HYDIN: variants seen among roughly 807,000 people sequenced by gnomAD.
HYDIN encodes the protein axonemal central pair apparatus protein HYDIN.
A neutral mutation model predicts 403.9 loss-of-function variants in HYDIN; 132 were observed. The ratio of observed to expected loss-of-function variants is 0.33; its 90% confidence interval spans 0.28 to 0.38. The LOEUF (loss-of-function observed/expected upper bound fraction) is 0.38. Ranked by LOEUF, HYDIN falls within the 10% of genes least tolerant of loss-of-function variation. The pLI is 1.00. For synonymous variants in HYDIN, 1,202 were observed against 1,891.7 expected (o/e 0.64, Z 9.46); for missense variants, 2,827 against 5,009.5 (o/e 0.56, Z 13.15).
chr16:71,063,700 C>T (rs1257576842), intron 16 of HYDIN, among the ~76,000 whole-genome samples: 7 of 152,276 alleles, frequency 4.6e-5, no homozygotes, highest in East Asian at 3.9e-4. Flanking sequence ...TTCTCTCTTA[C>T]GTAACAGCCC....
At chr16:71,205,714 G>A (rs1220225817) in intron 1 of HYDIN, among the ~76,000 whole-genome samples, 6 of 152,244 alleles carry the variant, frequency 3.9e-5, no homozygotes, top group Non-Finnish European at 5.9e-5. Context: ...AGCCAGCTAT[G>A]CAACACTTGC....
At chr16:70,839,904 G>C (rs1464129977) in intron 76 of HYDIN, among the ~76,000 whole-genome samples, 160 bp downstream of exon 76, 1 of 147,090 alleles carries the variant, frequency 6.8e-6, no homozygotes, top group South Asian at 2.2e-4. Context: ...ATTAGTGTTA[G>C]TTATGGGGAC....
chr16:71,230,443 G>C (rs2041229921), intron 1 of HYDIN, 119 bp downstream of exon 1: 1 of 1,247,988 alleles, frequency 8.0e-7, no homozygotes, highest in Non-Finnish European at 1.1e-6. Flanking sequence ...GGAGGGGTCT[G>C]GAAAGTCTGG....
At chr16:70,822,680 G>A (rs2036342153) in intron 83 of HYDIN, among the ~76,000 whole-genome samples, 1 of 152,216 alleles carries the variant, frequency 6.6e-6, no homozygotes, top group Non-Finnish European at 1.5e-5. Flanking sequence ...AATTGCCACA[G>A]TCACCCCCAC....
At chr16:70,881,569 C>T (rs1167542210) in intron 60 of HYDIN, among the ~76,000 whole-genome samples, 8 of 143,536 alleles carry the variant, frequency 5.6e-5, no homozygotes, top group African/African-American at 2.3e-4. Flanking sequence ...GATTGCGCCA[C>T]TGCACTCCAG....
Position 70,838,499 on chromosome 16 carries a change from T to C in HYDIN, c.13044-611A>G, listed in dbSNP as rs895748227. On this transcript the variant is annotated intron_variant, in intron 76 of 85. Coordinates refer to ENST00000393567, the MANE Select transcript of HYDIN (RefSeq NM_001270974.2). Reference sequence around the variant, plus strand: ...CGCGCCCAGCCTGATTCTCGATTTCTTGATAATGCATCTCATGGTTTTCTA... The same window carrying C: ...CGCGCCCAGCCTGATTCTCGATTTCCTGATAATGCATCTCATGGTTTTCTA... 3.8e-4 allele frequency among the ~76,000 whole-genome samples: 58 copies of C among 152,164 alleles called. 1 individual carries two copies. Among genetic ancestry groups the C allele is most frequent in the Admixed American group, 3.5e-3 (54 of 15,266 alleles).
At chr16:71,170,666 T>G (rs1331654093) in intron 5 of HYDIN, among the ~76,000 whole-genome samples, 1 of 152,142 alleles carries the variant, frequency 6.6e-6, no homozygotes, top group Non-Finnish European at 1.5e-5. Context: ...TTAAAGTTGG[T>G]TTTCTTAAAT....
intron 1 of HYDIN, among the ~76,000 whole-genome samples, chr16:71,197,727 C>T (rs2087774234): frequency 6.6e-6 from 1 of 152,066 alleles, no homozygotes; most frequent in African/African-American, 2.4e-5. Context: ...GTAGAAATCA[C>T]TTTCCTTGAT....
At chr16:71,108,168 G>C (rs1429946530) in intron 10 of HYDIN, among the ~76,000 whole-genome samples, 1 of 152,204 alleles carries the variant, frequency 6.6e-6, no homozygotes. Context: ...GGGCCTAGTG[G>C]AGGGCGGAGG....
At chr16:70,834,937 T>TAC (rs1413315134) in intron 78 of HYDIN, among the ~76,000 whole-genome samples, 12 of 147,612 alleles carry the variant, frequency 8.1e-5, no homozygotes, top group African/African-American at 2.5e-4. Context: ...TATGTATATA[T>TAC]ACACACATAT....
At chr16:71,023,836 A>G (rs1215051747) in intron 21 of HYDIN, among the ~76,000 whole-genome samples, 3 of 150,616 alleles carry the variant, frequency 2.0e-5, no homozygotes, top group African/African-American at 4.9e-5. Context: ...ACAAAATATG[A>G]TGGAATCCAC....
intron 23 of HYDIN, among the ~76,000 whole-genome samples, chr16:71,012,469 T>C (rs1434429836): frequency 6.6e-6 from 1 of 152,256 alleles, no homozygotes; most frequent in Non-Finnish European, 1.5e-5. Context: ...CTTCTTTCTT[T>C]GTTCTTAGAT....
chr16:70,925,429 C>G (rs962261940), intron 45 of HYDIN, among the ~76,000 whole-genome samples: 3 of 152,236 alleles, frequency 2.0e-5, no homozygotes, highest in Non-Finnish European at 4.4e-5. Flanking sequence ...TCAACTGGAT[C>G]CCTTCCTTAC....
intron 15 of HYDIN, chr16:71,066,706 A>G (rs2082281677): frequency 2.7e-6 from 1 of 365,062 alleles, no homozygotes; most frequent in Non-Finnish European, 5.4e-6. Context: ...CAGTCAACAA[A>G]TGGCTGAGCC....
chr16:71,058,980 T>C (rs922921561), intron 18 of HYDIN, among the ~76,000 whole-genome samples: 5 of 152,260 alleles, frequency 3.3e-5, no homozygotes, highest in Admixed American at 1.3e-4. Flanking sequence ...TTCTTTTCTC[T>C]AGCTTACTTT....
intron 23 of HYDIN, among the ~76,000 whole-genome samples, chr16:71,014,360 G>A (rs1301431217): frequency 8.9e-6 from 1 of 112,224 alleles, no homozygotes; most frequent in Non-Finnish European, 1.7e-5. Context: ...CATACCCTCC[G>A]CCAACATCAT....
chr16:70,943,472 A>G (rs975761705), intron 42 of HYDIN, among the ~76,000 whole-genome samples: 1 of 152,090 alleles, frequency 6.6e-6, no homozygotes, highest in African/African-American at 2.4e-5. Flanking sequence ...ACTTAATAAC[A>G]TTGAAAATGG....
At chr16:70,851,614 T>C (rs1347652816) in intron 73 of HYDIN, among the ~76,000 whole-genome samples, 1 of 151,412 alleles carries the variant, frequency 6.6e-6, no homozygotes, top group African/African-American at 2.4e-5. Context: ...GGAACACTTA[T>C]ACACTATTGG....
chr16:71,133,470 G>A (rs1399052436), intron 8 of HYDIN, among the ~76,000 whole-genome samples: 1 of 152,232 alleles, frequency 6.6e-6, no homozygotes, highest in Non-Finnish European at 1.5e-5. Context: ...TATGACACAG[G>A]TGGTAGGCTC....
Sources: gnomAD v4.1 joint callset for allele counts (sites outside exome capture counted in the v4.1 genomes callset) on GRCh38, gnomAD v4.1.1 for gene constraint, MANE v1.5 for transcripts, NCBI Gene and HGNC (gene_info 2026-07-23, HGNC 2026-07-21) for gene names.